The following GAS2L3 variants were observed in gnomAD, a reference collection of about 807,000 sequenced individuals.
The protein encoded by GAS2L3 is GAS2-like protein 3.
In GAS2L3, 28 loss-of-function variants were observed where a neutral mutation model predicts 37.0. That is an observed-to-expected ratio of 0.76 (90% CI 0.56 to 1.04). The LOEUF is 1.04. Among genes scored for constraint, GAS2L3 ranks in the 50% least tolerant of loss-of-function variants. GAS2L3 has a pLI of 0.00. For missense variants in GAS2L3, 793 were observed against 817.6 expected, an observed-to-expected ratio of 0.97 and a Z score of 0.37; for synonymous variants, 290 against 296.6, an observed-to-expected ratio of 0.98 and a Z score of 0.23.
At chr12:100,617,398 T>G (rs997499727) in intron 6 of GAS2L3, among the ~76,000 whole-genome samples, 1 of 152,208 alleles carries the variant, frequency 6.6e-6, no homozygotes, top group African/African-American at 2.4e-5. Flanking sequence ...ATGCTAAAGA[T>G]AGCTTAAAAT....
In GAS2L3 at chr12:100,624,326, A is replaced by G. The variant is rs772470750; in HGVS notation, c.1521A>G (p.Ile507Met). Reference sequence around the variant, plus strand: ...GTCCCAAGCTGCCTAAAGCAAATATACCTGTAAGACCTAAACCTTCTTTCC... The same window carrying G: ...GTCCCAAGCTGCCTAAAGCAAATATGCCTGTAAGACCTAAACCTTCTTTCC... ...SKCPKLPKAN[I>M]PVRPKPSFQS... Residue 507 changes from isoleucine to methionine, a missense_variant, in exon 10 of 10, where the codon ATA (isoleucine) becomes ATG (methionine). Transcript: ENST00000547754. 9 of 1,613,974 alleles carry G rather than the reference A, an allele frequency of 5.6e-6. No individual in the cohort carries two copies. The highest frequency in any genetic ancestry group is 2.7e-5 in the African/African-American group (2 of 74,916).
intron 8 of GAS2L3, 178 bp downstream of exon 8, chr12:100,618,765 T>C: frequency 1.9e-6 from 1 of 516,034 alleles, no homozygotes; most frequent in Non-Finnish European, 3.2e-6. Flanking sequence ...TAAAGGTGAT[T>C]TGTTATTGCT....
chr12:100,584,997 T>C (rs1369049541), intron 1 of GAS2L3, among the ~76,000 whole-genome samples: 1 of 147,848 alleles, frequency 6.8e-6, no homozygotes, highest in Non-Finnish European at 1.5e-5. Flanking sequence ...CACGCCATTA[T>C]CCTGCCTGAG....
chr12:100,595,757 A>C (rs1452536878), intron 3 of GAS2L3, among the ~76,000 whole-genome samples: 1 of 152,118 alleles, frequency 6.6e-6, no homozygotes, highest in South Asian at 2.1e-4. Context: ...TGGTGAGGAT[A>C]ATAGTGATTA....
At position 100,626,670 on chromosome 12, in the gene GAS2L3, G is replaced by A. The variant is rs1217366320; in HGVS notation, c.*1780G>A. The stretch of plus-strand genomic sequence containing the variant: ...AAGAAAGCAAAAAGTAAATGGAATT[G>A]TAGGCAATTTATGAATCCTAGTAGA... On this transcript the variant is annotated 3_prime_UTR_variant, in exon 10 of 10. Transcript: ENST00000547754. 1 of 152,284 alleles carries A rather than the reference G, an allele frequency of 6.6e-6. No individual in the cohort carries two copies. Among genetic ancestry groups the A allele is most frequent in the Non-Finnish European group, 1.5e-5 (1 of 68,022 alleles). The allele number at this position is 152,284 out of a possible 1,614,324, so 9.4% of individuals were successfully genotyped here. A position where few individuals can be genotyped will look rare whatever the true frequency, so the allele number is the denominator to read the frequency against.
chr12:100,622,865 G>A (rs1478250499), intron 9 of GAS2L3, among the ~76,000 whole-genome samples: 1 of 148,024 alleles, frequency 6.8e-6, no homozygotes, highest in Non-Finnish European at 1.5e-5. Flanking sequence ...CACAGAATCA[G>A]TATGTATACC....
Position 100,624,038 on chromosome 12 carries a change from A to G in GAS2L3, c.1233A>G (p.Pro411=), listed in dbSNP as rs199778740. 6.2e-7 allele frequency: 1 copy of G among 1,614,118 alleles called. No individual in the cohort carries two copies. The highest frequency in any genetic ancestry group is 1.3e-5 in the African/African-American group (1 of 75,032). The change falls in exon 10 of 10, where the codon CCA becomes CCG. Residue 411 remains proline, a synonymous_variant. Coordinates refer to ENST00000547754, the MANE Select transcript of GAS2L3 (RefSeq NM_174942.3). The part of the protein sequence containing the change: ...NASSSLASLN[P]VGKNTSSPAL... ...CATCTTCACTTGCTTCATTAAATCC[A>G]GTAGGTAAAAACACTTCTTCACCAG...
chr12:100,600,576 T>C (rs773853969), intron 4 of GAS2L3, 26 bp downstream of exon 4: 3 of 1,559,054 alleles, frequency 1.9e-6, no homozygotes, highest in South Asian at 2.2e-5. Context: ...ATACCCAAAA[T>C]TGTATTATCT....
chr12:100,575,017 G>A (rs1955617796), intron 1 of GAS2L3, among the ~76,000 whole-genome samples: 1 of 152,002 alleles, frequency 6.6e-6, no homozygotes, highest in Admixed American at 6.6e-5. Context: ...TGCTAAGCAG[G>A]GGGGCTCTGA....
chr12:100,589,618 C>T (rs1228052452), intron 1 of GAS2L3, among the ~76,000 whole-genome samples: 1 of 152,084 alleles, frequency 6.6e-6, no homozygotes, highest in Admixed American at 6.6e-5. Context: ...ATAGCCAAAG[C>T]AAGACTAATC....
chr12:100,616,667 T>C (rs1252938063), intron 6 of GAS2L3, among the ~76,000 whole-genome samples: 1 of 152,088 alleles, frequency 6.6e-6, no homozygotes, highest in Non-Finnish European at 1.5e-5. Flanking sequence ...CAGGCTGGTC[T>C]CAAACTCCTA....
rs1374061145 is a variant in GAS2L3, at chr12:100,624,945, A to T, written c.*55A>T. The T allele has an allele frequency of 6.7e-6, 9 of 1,336,170 alleles. No individual in the cohort carries two copies. The African/African-American group carries it at 1.3e-4, about 20-fold the overall frequency. The allele number at this position is 1,336,170 out of a possible 1,614,324, so 82.8% of individuals were successfully genotyped here. ...GGAAGAATGAATGTGTTAGCTTCACATCTTAAAAGTTTCTCCTATTTGTGT... is the reference window on the plus strand; with the variant it reads ...GGAAGAATGAATGTGTTAGCTTCACTTCTTAAAAGTTTCTCCTATTTGTGT... On this transcript the variant is annotated 3_prime_UTR_variant, in exon 10 of 10. Transcript: ENST00000547754.
rs1956300483 is a variant in GAS2L3, at chr12:100,624,210, A to T, written c.1405A>T (p.Thr469Ser). Reference protein sequence around the residue: ...TLLPNKCSGKTQPKYLKHNHI... With the variant: ...TLLPNKCSGKSQPKYLKHNHI... ...TTTGCCAAATAAGTGTTCAGGAAAA[A>T]CTCAACCTAAGTATTTGAAACATAA... is the stretch of plus-strand genomic sequence containing the variant. Residue 469 changes from threonine (T) to serine (S), a missense_variant, in exon 10 of 10, where the codon ACT becomes TCT. Transcript: ENST00000547754. The T allele has an allele frequency of 6.2e-7, 1 of 1,613,848 alleles. No individual in the cohort carries two copies. Among genetic ancestry groups the T allele is most frequent in the African/African-American group, 1.3e-5 (1 of 74,868 alleles).
intron 4 of GAS2L3, among the ~76,000 whole-genome samples, 178 bp from the exon 5 acceptor site, chr12:100,601,460 T>G (rs549144465): frequency 2.6e-5 from 4 of 152,224 alleles, no homozygotes; most frequent in South Asian, 2.1e-4. Context: ...TTTGTTTCAG[T>G]ATCATTAAGT....
At chr12:100,599,591 A>AT (rs1166168166) in intron 3 of GAS2L3, among the ~76,000 whole-genome samples, 2 of 152,186 alleles carry the variant, frequency 1.3e-5, no homozygotes, top group Non-Finnish European at 2.9e-5. Context: ...GTACTTAGAA[A>AT]TTTTTTTAAA....
chr12:100,615,103 C>T (rs1010331410), intron 6 of GAS2L3, among the ~76,000 whole-genome samples: 1 of 152,134 alleles, frequency 6.6e-6, no homozygotes, highest in African/African-American at 2.4e-5. Context: ...AAAGTGGCTG[C>T]ACCATTTTAC....
chr12:100,587,936 C>T (rs1420199520), intron 1 of GAS2L3, among the ~76,000 whole-genome samples: 2 of 152,098 alleles, frequency 1.3e-5, no homozygotes, highest in Non-Finnish European at 2.9e-5. Flanking sequence ...CCTGTAGTCC[C>T]AGCTACTCGG....
At chr12:100,617,701 A>T (rs1361609564) in intron 6 of GAS2L3, 43 bp from the exon 7 acceptor site, 2 of 1,171,072 alleles carry the variant, frequency 1.7e-6, no homozygotes, top group Non-Finnish European at 2.6e-6. Context: ...ATGTTTCCAT[A>T]CTTAATTTTG....
chr12:100,613,598 CTTT>C (rs1230483335), intron 6 of GAS2L3, among the ~76,000 whole-genome samples: 2 of 141,100 alleles, frequency 1.4e-5, no homozygotes, highest in Non-Finnish European at 1.6e-5. Flanking sequence ...CCATTTCTTT[CTTT>C]TTTTTTTTTT....
Sources: gnomAD v4.1 joint callset for allele counts (sites outside exome capture counted in the v4.1 genomes callset) on GRCh38, gnomAD v4.1.1 for gene constraint, MANE v1.5 for transcripts, NCBI Gene and HGNC (gene_info 2026-07-23, HGNC 2026-07-21) for gene names.